Variants in NKAIN2 observed in about 807,000 individuals in gnomAD.
NKAIN2 encodes the protein sodium/potassium-transporting ATPase subunit beta-1-interacting protein 2.
NKAIN2 carries 14 observed loss-of-function variants against 32.6 expected under a neutral mutation model. The ratio of observed to expected loss-of-function variants is 0.43; its 90% confidence interval spans 0.28 to 0.67. NKAIN2 has a LOEUF of 0.67. Ranked by LOEUF, NKAIN2 falls within the 30% of genes least tolerant of loss-of-function variation. NKAIN2 has a pLI of 0.17. For synonymous variants in NKAIN2, 80 were observed against 87.2 expected, an observed-to-expected ratio of 0.92 and a Z score of 0.46; for missense variants, 198 against 258.3, an observed-to-expected ratio of 0.77 and a Z score of 1.60.
intron 3 of NKAIN2, among the ~76,000 whole-genome samples, chr6:124,455,231 A>G (rs763982749): frequency 6.6e-6 from 1 of 152,218 alleles, no homozygotes; most frequent in South Asian, 2.1e-4. Context: ...CTTATTGTCT[A>G]GAAATAGTCA....
chr6:124,201,287 T>G (rs1790575764), intron 1 of NKAIN2, among the ~76,000 whole-genome samples: 1 of 151,972 alleles, frequency 6.6e-6, no homozygotes, highest in African/African-American at 2.4e-5. Flanking sequence ...CATAGAAACA[T>G]AATTAAAATA....
At position 124,793,445 on chromosome 6, in the gene NKAIN2, G is replaced by A. The variant is rs543149546; in HGVS notation, c.535+2046G>A. Among the ~76,000 whole-genome samples, 10 of 152,192 alleles carry A rather than the reference G, an allele frequency of 6.6e-5. No homozygotes were observed. In the South Asian group the frequency reaches 2.1e-3, roughly 32 times the overall value. On this transcript the variant is annotated intron_variant, in intron 5 of 6. Transcript: ENST00000368417. ...GTTCATTGAGATATTACCATTCAGT[G>A]TCTGTGTGCCAAATCCCTGATGAAG...
chr6:124,079,248 G>A (rs551306283), intron 1 of NKAIN2, among the ~76,000 whole-genome samples: 3 of 152,142 alleles, frequency 2.0e-5, no homozygotes, highest in East Asian at 3.9e-4. Flanking sequence ...AACCTGGGAG[G>A]CAGAGGTTGT....
intron 4 of NKAIN2, among the ~76,000 whole-genome samples, chr6:124,668,542 G>A (rs931545803): frequency 6.6e-6 from 1 of 152,012 alleles, no homozygotes; most frequent in Non-Finnish European, 1.5e-5. Context: ...AATAATAGCA[G>A]GTTCTATTTT....
chr6:123,941,819 C>G (rs1776840612), intron 1 of NKAIN2, among the ~76,000 whole-genome samples: 1 of 151,854 alleles, frequency 6.6e-6, no homozygotes, highest in Non-Finnish European at 1.5e-5. Flanking sequence ...CAATTCTTCC[C>G]TTTCCTGTCA....
At chr6:124,504,529 A>G (rs1290043679) in intron 3 of NKAIN2, among the ~76,000 whole-genome samples, 1 of 152,152 alleles carries the variant, frequency 6.6e-6, no homozygotes, top group Non-Finnish European at 1.5e-5. Context: ...GCATACTCAC[A>G]TTTTATTGTT....
At chr6:124,580,374 T>C (rs1247323077) in intron 3 of NKAIN2, among the ~76,000 whole-genome samples, 2 of 152,180 alleles carry the variant, frequency 1.3e-5, no homozygotes, top group Non-Finnish European at 2.9e-5. Flanking sequence ...TGTGAAGTTT[T>C]TATTCATTTT....
chr6:124,211,463 G>A (rs371255260), intron 1 of NKAIN2, among the ~76,000 whole-genome samples: 12 of 151,940 alleles, frequency 7.9e-5, no homozygotes, highest in African/African-American at 2.9e-4. Context: ...TAGGACACTT[G>A]TTATTTGTTA....
intron 3 of NKAIN2, among the ~76,000 whole-genome samples, chr6:124,467,614 T>A (rs1776813971): frequency 6.6e-6 from 1 of 152,102 alleles, no homozygotes; most frequent in Non-Finnish European, 1.5e-5. Flanking sequence ...TCTAGGGCAA[T>A]TTAATGATCA....
At chr6:124,735,981 A>G (rs1776918093) in intron 4 of NKAIN2, among the ~76,000 whole-genome samples, 1 of 151,964 alleles carries the variant, frequency 6.6e-6, no homozygotes, top group Non-Finnish European at 1.5e-5. Flanking sequence ...ATCAAAAGCT[A>G]GAAATGATTC....
intron 3 of NKAIN2, among the ~76,000 whole-genome samples, chr6:124,482,988 G>T (rs974310912): frequency 2.6e-5 from 4 of 152,160 alleles, no homozygotes; most frequent in South Asian, 2.1e-4. Context: ...CGGGCGTGGT[G>T]GTGGGCGCCT....
chr6:124,108,553 A>C (rs1785224786), intron 1 of NKAIN2, among the ~76,000 whole-genome samples: 1 of 152,002 alleles, frequency 6.6e-6, no homozygotes, highest in Admixed American at 6.6e-5. Context: ...ATATAGTCTT[A>C]CTTGTCTCTT....
chr6:124,670,794 A>T (rs997556786), intron 4 of NKAIN2, among the ~76,000 whole-genome samples: 1 of 151,846 alleles, frequency 6.6e-6, no homozygotes, highest in Non-Finnish European at 1.5e-5. Flanking sequence ...TTTCACTGAC[A>T]CCCAGTTGGA....
At chr6:123,838,466 T>G (rs1303819822) in intron 1 of NKAIN2, among the ~76,000 whole-genome samples, 1 of 152,224 alleles carries the variant, frequency 6.6e-6, no homozygotes, top group Non-Finnish European at 1.5e-5. Flanking sequence ...TTATAATATT[T>G]ATTCTGCTAC....
At chr6:123,868,097 T>C (rs1307829997) in intron 1 of NKAIN2, among the ~76,000 whole-genome samples, 1 of 152,152 alleles carries the variant, frequency 6.6e-6, no homozygotes, top group African/African-American at 2.4e-5. Context: ...CTTGATCTCC[T>C]GACCTTGTGA....
intron 4 of NKAIN2, among the ~76,000 whole-genome samples, chr6:124,706,179 AT>A (rs1775053210): frequency 6.6e-6 from 1 of 152,154 alleles, no homozygotes; most frequent in Admixed American, 6.6e-5. Context: ...GAATTGAATG[AT>A]AATTAATAAT....
chr6:124,574,048 T>C (rs1781236419), intron 3 of NKAIN2, among the ~76,000 whole-genome samples: 1 of 152,102 alleles, frequency 6.6e-6, no homozygotes, highest in African/African-American at 2.4e-5. Context: ...ACATGCACAA[T>C]CTTAGGCATT....
rs113779422 is a variant in NKAIN2, at chr6:124,272,814, C to T, written c.55-10191C>T. Among the ~76,000 whole-genome samples the T allele has an allele frequency of 4.3e-3, 650 of 152,274 alleles. 2 individuals carry two copies. Among genetic ancestry groups the T allele is most frequent in the African/African-American group, 0.015 (605 of 41,568 alleles). On this transcript the variant is annotated intron_variant, in intron 1 of 6. Transcript: ENST00000368417. Reference sequence around the variant, plus strand: ...CCCAAGGCCTTGGGAGCCCACCCCTCGCCCTGGATGTGAGGCATGGAGTCA... The same window carrying T: ...CCCAAGGCCTTGGGAGCCCACCCCTTGCCCTGGATGTGAGGCATGGAGTCA...
At chr6:124,539,819 C>G (rs796896949) in intron 3 of NKAIN2, among the ~76,000 whole-genome samples, 12 of 152,224 alleles carry the variant, frequency 7.9e-5, no homozygotes, top group African/African-American at 2.9e-4. Flanking sequence ...CTCCTGGGTT[C>G]AAGCAATTCT....
Sources: allele counts gnomAD v4.1 joint callset (sites outside exome capture counted in the v4.1 genomes callset), GRCh38; gene constraint gnomAD v4.1.1; transcripts MANE v1.5; gene names NCBI Gene and HGNC (gene_info 2026-07-23, HGNC 2026-07-21).